Variants in ZNF697 observed in about 807,000 individuals in gnomAD.
ZNF697 encodes zinc finger protein 697.
In ZNF697, 23 loss-of-function variants were observed where a neutral mutation model predicts 32.4. The observed-to-expected ratio is 0.71, with a 90% CI of 0.51 to 1.01. ZNF697 has a LOEUF of 1.01. ZNF697 is among the 50% of genes least tolerant of loss of function. ZNF697 has a pLI of 0.00. For synonymous variants in ZNF697, 418 were observed against 337.2 expected, an observed-to-expected ratio of 1.24 and a Z score of -2.62; for missense variants, 930 against 794.0, an observed-to-expected ratio of 1.17 and a Z score of -2.06.
chr1:119,637,300 C>T (rs1399521403), intron 1 of ZNF697, among the ~76,000 whole-genome samples: 1 of 152,180 alleles, frequency 6.6e-6, no homozygotes, highest in Non-Finnish European at 1.5e-5. Context: ...CCAATGTGAC[C>T]CATTACTACA....
intron 2 of ZNF697, 55 bp downstream of exon 2, chr1:119,625,820 C>T: frequency 6.3e-7 from 1 of 1,592,694 alleles, no homozygotes; most frequent in South Asian, 1.1e-5. Flanking sequence ...TCTAGAGGAG[C>T]TAGAAGTAAG....
In ZNF697 at chr1:119,622,099, G is replaced by A. The variant is rs1314958655; in HGVS notation, c.*606C>T. 6.6e-6 allele frequency: 1 copy of A among 152,590 alleles called. No homozygotes were observed. The highest frequency in any genetic ancestry group is 2.4e-5 in the African/African-American group (1 of 41,406). 9.5% of individuals were successfully genotyped at this position (152,590 alleles called of 1,614,324 possible). On this transcript the variant is annotated 3_prime_UTR_variant, in exon 3 of 3. Transcript: ENST00000421812. ...CATTGCCCCTTGAAATGAGTGTGGC[G>A]TTTTTCAGCCCACTTCCCCTTGGAT...
At chr1:119,634,036 T>C (rs963253078) in intron 1 of ZNF697, among the ~76,000 whole-genome samples, 1 of 152,234 alleles carries the variant, frequency 6.6e-6, no homozygotes, top group Admixed American at 6.5e-5. Context: ...CAGGGGTTTA[T>C]GTGAGCTATG....
intron 1 of ZNF697, among the ~76,000 whole-genome samples, chr1:119,631,923 T>C (rs1306351704): frequency 6.6e-6 from 1 of 152,098 alleles, no homozygotes; most frequent in African/African-American, 2.4e-5. Context: ...AGCGCTTCCA[T>C]AGCAGAGTCC....
At chr1:119,643,503 C>G (rs1441938886) in intron 1 of ZNF697, among the ~76,000 whole-genome samples, 1 of 152,170 alleles carries the variant, frequency 6.6e-6, no homozygotes, top group Non-Finnish European at 1.5e-5. Flanking sequence ...CTCTTCCACC[C>G]AAAGACGAGA....
intron 1 of ZNF697, among the ~76,000 whole-genome samples, chr1:119,644,510 T>G (rs587712434): frequency 1.3e-5 from 2 of 152,318 alleles, no homozygotes; most frequent in East Asian, 3.9e-4. Context: ...GGAAAGCAAA[T>G]TCTGAACAGG....
In ZNF697 at chr1:119,622,748, T is replaced by C. The variant is rs370037949; in HGVS notation, c.1595A>G (p.Tyr532Cys). The change falls in exon 3 of 3, where the codon TAT becomes TGT. Residue 532 changes from tyrosine (Y) to cysteine (C), a missense_variant. Coordinates refer to ENST00000421812, the MANE Select transcript of ZNF697 (RefSeq NM_001080470.2). ...KCAGCGKGFRYKTHLAQHQKL... is the reference protein window; with the variant it reads ...KCAGCGKGFRCKTHLAQHQKL... ...CTGGTGCTGCGCGAGGTGCGTTTTA[T>C]AGCGGAAGCCTTTGCCGCAGCCCGC... 7 of 1,573,282 alleles carry C rather than the reference T, an allele frequency of 4.4e-6. No homozygotes were observed. In the African/African-American group the frequency reaches 9.5e-5, roughly 21 times the overall value.
intron 1 of ZNF697, among the ~76,000 whole-genome samples, chr1:119,631,632 G>T (rs1233070842): frequency 6.6e-6 from 1 of 152,208 alleles, no homozygotes; most frequent in Non-Finnish European, 1.5e-5. Flanking sequence ...CCAGCCCCCA[G>T]GGCAGAGGGC....
rs762831904 is a variant in ZNF697 at position 119,625,937 on chromosome 1, G to T, written c.164C>A (p.Pro55Gln). 4 of 1,613,930 alleles carry T rather than the reference G, an allele frequency of 2.5e-6. No homozygotes were observed. The highest frequency in any genetic ancestry group is 3.4e-6 in the Non-Finnish European group (4 of 1,179,818). ...GTCCTGTGGGTTGGAGCCCATCTCC[G>T]GCTCCGGATGGCCTTCTCTCTTGTT... Reference protein sequence around the residue: ...DTNKREGHPEPEMGSNPQDSR... With the variant: ...DTNKREGHPEQEMGSNPQDSR... Residue 55 changes from proline to glutamine, a missense_variant, in exon 2 of 3, where the codon CCG (proline) becomes CAG (glutamine). Pro to Gln is a moderately conservative substitution (Grantham distance 76). Coordinates refer to ENST00000421812, the MANE Select transcript of ZNF697 (RefSeq NM_001080470.2).
chr1:119,634,784 A>T (rs1164833094), intron 1 of ZNF697, among the ~76,000 whole-genome samples: 1 of 152,248 alleles, frequency 6.6e-6, no homozygotes, highest in African/African-American at 2.4e-5. Context: ...ACCTTATTTG[A>T]ATGCCAACTC....
intron 1 of ZNF697, among the ~76,000 whole-genome samples, chr1:119,641,229 G>A (rs1649059796): frequency 6.6e-6 from 1 of 152,208 alleles, no homozygotes; most frequent in Non-Finnish European, 1.5e-5. Flanking sequence ...AAATTCAACT[G>A]ATGCTTATTG....
At chr1:119,643,065 T>C (rs976287380) in intron 1 of ZNF697, among the ~76,000 whole-genome samples, 1 of 152,218 alleles carries the variant, frequency 6.6e-6, no homozygotes, top group African/African-American at 2.4e-5. Context: ...AAACATTTCT[T>C]AGCAAATAAA....
Position 119,622,735 on chromosome 1 carries a change from G to C in ZNF697, c.1608C>G (p.Leu536=), listed in dbSNP as rs751105592. 5 of 1,560,422 alleles carry C rather than the reference G, an allele frequency of 3.2e-6. No homozygotes were observed. Among genetic ancestry groups the C allele is most frequent in the South Asian group, 1.2e-5 (1 of 84,824 alleles). Residue 536 remains leucine, a synonymous_variant, in exon 3 of 3, where the codon CTC becomes CTG. Transcript: ENST00000421812. ...ACAGGTGCAGCTTCTGGTGCTGCGC[G>C]AGGTGCGTTTTATAGCGGAAGCCTT... ...CGKGFRYKTH[L]AQHQKLHLC
intron 1 of ZNF697, among the ~76,000 whole-genome samples, chr1:119,645,947 T>C (rs1649190808): frequency 6.6e-6 from 1 of 152,184 alleles, no homozygotes; most frequent in African/African-American, 2.4e-5. Flanking sequence ...ACCTTTACCC[T>C]TTCTCCTTCC....
intron 1 of ZNF697, among the ~76,000 whole-genome samples, chr1:119,631,667 C>A (rs587594326): frequency 1.2e-4 from 18 of 152,298 alleles, no homozygotes; most frequent in African/African-American, 4.3e-4. Flanking sequence ...CCGCGGCGGC[C>A]GCTGCCAGGT....
At chr1:119,647,521 A>T (rs929088837) in intron 1 of ZNF697, among the ~76,000 whole-genome samples, 170 bp downstream of exon 1, 1 of 152,082 alleles carries the variant, frequency 6.6e-6, no homozygotes, top group Non-Finnish European at 1.5e-5. Context: ...AGAGAGGAAA[A>T]GGGAGGCACA....
At position 119,626,079 on chromosome 1, in the gene ZNF697, C is replaced by T; in HGVS notation, c.22G>A (p.Gly8Ser). ...TCTGAGTCCTGGTGTGCACAGACAC[C>T]CTGATTATCTTCTTGTTTCATCCAG... MKQEDNQGVCAHQDSEDK... is the reference protein window; with the variant it reads MKQEDNQSVCAHQDSEDK... Residue 8 changes from glycine (G) to serine (S), a missense_variant, in exon 2 of 3, where the codon GGT (glycine) becomes AGT (serine). By Grantham distance (56) the Gly-to-Ser change is moderately conservative. Coordinates refer to ENST00000421812, the MANE Select transcript of ZNF697 (RefSeq NM_001080470.2). 1 of 1,613,832 alleles carries T rather than the reference C, an allele frequency of 6.2e-7. No homozygotes were observed.
Position 119,620,474 on chromosome 1 carries a change from G to C in ZNF697, c.*2231C>G, listed in dbSNP as rs587741927. 2 of 152,712 alleles carry C rather than the reference G, an allele frequency of 1.3e-5. No individual in the cohort carries two copies. Among genetic ancestry groups the C allele is most frequent in the East Asian group, 3.9e-4 (2 of 5,186 alleles). The allele number at this position is 152,712 out of a possible 1,614,324, so 9.5% of individuals were successfully genotyped here. ...CTTAAAACAGCTGGAAGAGGTAGATGTACATGGAAAGAAACCCACAAAGCA... is the reference window on the plus strand; with the variant it reads ...CTTAAAACAGCTGGAAGAGGTAGATCTACATGGAAAGAAACCCACAAAGCA... On this transcript the variant is annotated 3_prime_UTR_variant, in exon 3 of 3. Coordinates refer to ENST00000421812, the MANE Select transcript of ZNF697 (RefSeq NM_001080470.2).
Position 119,620,056 on chromosome 1 carries a change from G to A in ZNF697, c.*2649C>T, listed in dbSNP as rs1352882018. The A allele has an allele frequency of 6.6e-6, 1 of 152,594 alleles. No homozygotes were observed. The highest frequency in any genetic ancestry group is 1.9e-4 in the East Asian group (1 of 5,198). 9.5% of individuals were successfully genotyped at this position (152,594 alleles called of 1,614,324 possible). A position where few individuals can be genotyped will look rare whatever the true frequency, so the allele number is the denominator to read the frequency against. Reference sequence around the variant, plus strand: ...AATGCATTTAACCTCACTTAATGCAGGTAAGTTCCCTGAAGAATTGTAAGA... The same window carrying A: ...AATGCATTTAACCTCACTTAATGCAAGTAAGTTCCCTGAAGAATTGTAAGA... On this transcript the variant is annotated 3_prime_UTR_variant, in exon 3 of 3. Coordinates refer to ENST00000421812, the MANE Select transcript of ZNF697 (RefSeq NM_001080470.2).
Sources: gnomAD v4.1 joint callset for allele counts (sites outside exome capture counted in the v4.1 genomes callset) on GRCh38, gnomAD v4.1.1 for gene constraint, MANE v1.5 for transcripts, NCBI Gene and HGNC (gene_info 2026-07-23, HGNC 2026-07-21) for gene names.